FAF1: variants seen among roughly 807,000 people sequenced by gnomAD.
The protein encoded by FAF1 is Fas associated factor 1.
FAF1 carries 25 observed loss-of-function variants against 92.5 expected under a neutral mutation model. The ratio of observed to expected loss-of-function variants is 0.27; its 90% CI spans 0.20 to 0.38. The LOEUF (loss-of-function observed/expected upper bound fraction) is 0.38, where lower values mean the gene tolerates loss of function less well. Ranked by LOEUF, FAF1 falls within the 10% of genes least tolerant of loss-of-function variation. The pLI, the probability that FAF1 is intolerant of heterozygous loss-of-function variation, is 1.00. For missense variants in FAF1, 636 were observed against 793.3 expected (o/e 0.80, Z 2.38); for synonymous variants, 234 against 273.2 (o/e 0.86, Z 1.42).
At chr1:50,679,410 C>T (rs1250383284) in intron 7 of FAF1, among the ~76,000 whole-genome samples, 2 of 150,938 alleles carry the variant, frequency 1.3e-5, no homozygotes, top group Non-Finnish European at 2.9e-5. Flanking sequence ...CTCAGTAACC[C>T]TATTAAATAG....
At chr1:50,549,850 G>A (rs751371346) in intron 13 of FAF1, among the ~76,000 whole-genome samples, 6 of 151,984 alleles carry the variant, frequency 3.9e-5, no homozygotes, top group Non-Finnish European at 7.4e-5. Context: ...CAAACTCCTG[G>A]GCTCAATCGA....
In FAF1 at chr1:50,582,714, G is replaced by A. The variant is rs375449115; in HGVS notation, c.1032-15C>T. The A allele has an allele frequency of 2.7e-6, 4 of 1,485,366 alleles. No individual in the cohort carries two copies. In the African/African-American group the frequency reaches 4.1e-5, roughly 15 times the overall value. The allele number at this position is 1,485,366 out of a possible 1,614,324, so 92.0% of individuals were successfully genotyped here. On this transcript the variant is annotated splice_polypyrimidine_tract_variant and intron_variant, in intron 11 of 18. Transcript: ENST00000396153. ...AATCACCATATCTATAGGAAAAAGT[G>A]AGTCTATTAATTAAAATACTTTTCA... is the stretch of plus-strand genomic sequence containing the variant.
intron 8 of FAF1, among the ~76,000 whole-genome samples, chr1:50,635,083 G>A (rs993784605): frequency 3.9e-5 from 6 of 152,134 alleles, no homozygotes; most frequent in African/African-American, 1.4e-4. Flanking sequence ...TACACTTTAA[G>A]TAACTGTGAG....
At chr1:50,812,767 C>T (rs923895228) in intron 2 of FAF1, among the ~76,000 whole-genome samples, 12 of 152,194 alleles carry the variant, frequency 7.9e-5, no homozygotes, top group Admixed American at 5.9e-4. Context: ...AAGATACATG[C>T]GTGTATCTGT....
At chr1:50,810,663 T>C (rs892756267) in intron 2 of FAF1, among the ~76,000 whole-genome samples, 2 of 152,216 alleles carry the variant, frequency 1.3e-5, no homozygotes, top group Non-Finnish European at 2.9e-5. Context: ...GATGATATGA[T>C]TGCAAACCTA....
chr1:50,552,988 A>C (rs1216020459), intron 13 of FAF1, among the ~76,000 whole-genome samples: 1 of 152,366 alleles, frequency 6.6e-6, no homozygotes, highest in African/African-American at 2.4e-5. Context: ...GCAAGGGTAC[A>C]GGCATACAGA....
intron 7 of FAF1, among the ~76,000 whole-genome samples, chr1:50,672,627 A>G (rs1310994500): frequency 2.6e-5 from 4 of 152,142 alleles, no homozygotes; most frequent in Non-Finnish European, 5.9e-5. Flanking sequence ...TAGTGACCCT[A>G]TTGGACAATA....
intron 18 of FAF1, among the ~76,000 whole-genome samples, chr1:50,458,259 C>T (rs1269967215): frequency 6.6e-6 from 1 of 152,134 alleles, no homozygotes; most frequent in Non-Finnish European, 1.5e-5. Flanking sequence ...TATCAATATA[C>T]ATAAACAGTA....
intron 8 of FAF1, among the ~76,000 whole-genome samples, chr1:50,638,879 C>T (rs1654190252): frequency 6.6e-6 from 1 of 152,184 alleles, no homozygotes; most frequent in South Asian, 2.1e-4. Context: ...ATATAAAATA[C>T]ACCAATATTC....
chr1:50,523,872 T>C (rs978043993), intron 15 of FAF1, among the ~76,000 whole-genome samples: 3 of 152,220 alleles, frequency 2.0e-5, no homozygotes, highest in African/African-American at 7.2e-5. Flanking sequence ...AGTGTCTTTA[T>C]AACAGAACAA....
At chr1:50,588,940 T>C (rs1010344902) in intron 9 of FAF1, among the ~76,000 whole-genome samples, 1 of 152,252 alleles carries the variant, frequency 6.6e-6, no homozygotes, top group Non-Finnish European at 1.5e-5. Flanking sequence ...TAAGAGCACA[T>C]GTGGGATGGT....
intron 2 of FAF1, among the ~76,000 whole-genome samples, chr1:50,813,670 T>C (rs1009127819): frequency 3.3e-5 from 5 of 152,134 alleles, no homozygotes; most frequent in African/African-American, 1.2e-4. Context: ...ACCATGTTGT[T>C]GAGGCTTGTC....
At chr1:50,640,858 T>C (rs1442006655) in intron 8 of FAF1, among the ~76,000 whole-genome samples, 1 of 113,554 alleles carries the variant, frequency 8.8e-6, no homozygotes, top group Non-Finnish European at 1.7e-5. Context: ...TTTTTGAGAC[T>C]GGGTCTCACT....
intron 6 of FAF1, among the ~76,000 whole-genome samples, chr1:50,730,827 T>G (rs1394754792): frequency 1.3e-5 from 2 of 152,198 alleles, no homozygotes; most frequent in African/African-American, 4.8e-5. Context: ...CTTATATATA[T>G]TGCTAGTTGC....
At position 50,738,922 on chromosome 1, in the gene FAF1, G is replaced by GT. The variant is rs1190287636; in HGVS notation, c.491dup (p.Asn164LysfsTer18). The GT allele has an allele frequency of 6.2e-7, 1 of 1,608,580 alleles. No individual in the cohort carries two copies. Among genetic ancestry groups the GT allele is most frequent in the Non-Finnish European group, 8.5e-7 (1 of 1,176,840 alleles). Reference sequence around the variant, plus strand: ...CTGGTGTAAGGACATAAAGACTGTTGTTTTTTGGCAAGTGTAGAGATTTTA... The same window carrying GT: ...CTGGTGTAAGGACATAAAGACTGTTGTTTTTTTGGCAAGTGTAGAGATTTTA... On this transcript the variant is annotated frameshift_variant, in exon 6 of 19. Coordinates refer to ENST00000396153, the MANE Select transcript of FAF1 (RefSeq NM_007051.3). LOFTEE classifies it high-confidence loss of function.
At chr1:50,653,473 C>T (rs1654958233) in intron 8 of FAF1, among the ~76,000 whole-genome samples, 1 of 152,174 alleles carries the variant, frequency 6.6e-6, no homozygotes, top group Admixed American at 6.5e-5. Flanking sequence ...GCTTTAGCCC[C>T]CCAAGTAGCT....
At chr1:50,822,743 G>GTTTT (rs757343855) in intron 2 of FAF1, among the ~76,000 whole-genome samples, 42,573 of 140,870 alleles carry the variant, frequency 0.3, 7,034 homozygotes, top group Middle Eastern at 0.48. Context: ...TTTTTTTGGT[G>GTTTT]TTTTTTCTTT....
At chr1:50,902,779 G>A (rs1207890942) in intron 1 of FAF1, among the ~76,000 whole-genome samples, 1 of 152,124 alleles carries the variant, frequency 6.6e-6, no homozygotes, top group East Asian at 1.9e-4. Context: ...TGATATGTAA[G>A]TAGCTGTTAT....
At chr1:50,488,357 T>C (rs1037001978) in intron 17 of FAF1, among the ~76,000 whole-genome samples, 1 of 152,198 alleles carries the variant, frequency 6.6e-6, no homozygotes, top group Admixed American at 6.5e-5. Flanking sequence ...GTAAATTAGA[T>C]AAATCATCAG....
Sources: gnomAD v4.1 joint callset for allele counts (sites outside exome capture counted in the v4.1 genomes callset) on GRCh38, gnomAD v4.1.1 for gene constraint, MANE v1.5 for transcripts, NCBI Gene and HGNC (gene_info 2026-07-23, HGNC 2026-07-21) for gene names.